Variants in SAP130 observed in about 807,000 individuals in gnomAD.
SAP130 encodes the protein histone deacetylase complex subunit SAP130.
In SAP130, 16 loss-of-function variants were observed where a neutral mutation model predicts 103.2. The observed-to-expected ratio is 0.16, with a 90% confidence interval of 0.10 to 0.24. The LOEUF (loss-of-function observed/expected upper bound fraction) is 0.24, where lower values mean the gene tolerates loss of function less well. SAP130 is among the 10% of genes least tolerant of loss of function. SAP130 has a pLI of 1.00. For missense variants in SAP130, 990 were observed against 1,359.7 expected, an observed-to-expected ratio of 0.73 and a Z score of 4.28; for synonymous variants, 477 against 497.0, an observed-to-expected ratio of 0.96 and a Z score of 0.53.
chr2:127,999,788 G>A lies in SAP130; in HGVS notation c.1166C>T (p.Ser389Phe). The part of the protein sequence containing the change: ...TSTIVTMTVP[S>F]HSSHATAVTT... ...CACAGCAGTAGCATGGGAGGAATGG[G>A]AGGGTACTGTCATGGTAACAATGGT... Residue 389 changes from serine (S) to phenylalanine (F), a missense_variant, in exon 10 of 21, where the codon TCC becomes TTC. Physicochemically the swap from Ser to Phe is radical, Grantham distance 155. Coordinates refer to ENST00000643581, the MANE Select transcript of SAP130 (RefSeq NM_001330301.2). The A allele has an allele frequency of 6.5e-7, 1 of 1,535,004 alleles. No individual in the cohort carries two copies. Among genetic ancestry groups the A allele is most frequent in the Non-Finnish European group, 8.7e-7 (1 of 1,144,378 alleles).
Position 127,970,176 on chromosome 2 carries a change from C to T in SAP130, c.2063+7809G>A, listed in dbSNP as rs142161837. ...CTGGGAGGCAGAGGTTGCAGTAAGC[C>T]GAGATTACCTCACTGCACTCCAGCC... On this transcript the variant is annotated intron_variant, in intron 15 of 20. Coordinates refer to ENST00000643581, the MANE Select transcript of SAP130 (RefSeq NM_001330301.2). 4.6e-3 allele frequency among the ~76,000 whole-genome samples: 675 copies of T among 145,402 alleles called. 5 individuals carry two copies. Among genetic ancestry groups the T allele is most frequent in the African/African-American group, 0.017 (647 of 38,926 alleles).
chr2:128,006,512 C>T (rs779597596), intron 7 of SAP130, among the ~76,000 whole-genome samples: 1 of 152,170 alleles, frequency 6.6e-6, no homozygotes. Context: ...TGGTGGCTCA[C>T]AATTGTAATC....
chr2:128,020,071 C>T (rs1387953057), intron 2 of SAP130, among the ~76,000 whole-genome samples: 1 of 151,966 alleles, frequency 6.6e-6, no homozygotes, highest in African/African-American at 2.4e-5. Context: ...AATGTTGCCC[C>T]CAAACTTACC....
At position 127,941,895 on chromosome 2, in the gene SAP130, A is replaced by C; in HGVS notation, c.*111T>G. 1 of 975,796 alleles carries C rather than the reference A, an allele frequency of 1.0e-6. No individual in the cohort carries two copies. The highest frequency in any genetic ancestry group is 1.6e-6 in the Non-Finnish European group (1 of 640,546). 60.4% of individuals were successfully genotyped at this position (975,796 alleles called of 1,614,324 possible). On this transcript the variant is annotated 3_prime_UTR_variant, in exon 21 of 21. Coordinates refer to ENST00000643581, the MANE Select transcript of SAP130 (RefSeq NM_001330301.2). ...TTCCTCTGCTTTCACACGGGAACTA[A>C]GGAACACTTCCTTTATTTCAATGTT... is the stretch of plus-strand genomic sequence containing the variant.
At chr2:128,000,550 G>A (rs1332983528) in intron 7 of SAP130, 96 bp from the exon 8 acceptor site, 1 of 1,390,250 alleles carries the variant, frequency 7.2e-7, no homozygotes, top group African/African-American at 1.4e-5. Context: ...ATAGGTCTAT[G>A]AAGTTCGGAG....
chr2:127,949,812 T>C, intron 18 of SAP130, 57 bp downstream of exon 18: 1 of 1,555,444 alleles, frequency 6.4e-7, no homozygotes, highest in African/African-American at 1.4e-5. Flanking sequence ...TCTTCTATTT[T>C]AATTAAGTTT....
chr2:127,987,079 A>G (rs1682456108), intron 13 of SAP130, 117 bp from the exon 14 acceptor site: 2 of 869,492 alleles, frequency 2.3e-6, no homozygotes, highest in East Asian at 5.1e-5. Flanking sequence ...TAACTGTCCA[A>G]TTTCAAACTG....
intron 2 of SAP130, among the ~76,000 whole-genome samples, chr2:128,018,322 A>C (rs981195306): frequency 6.7e-6 from 1 of 149,718 alleles, no homozygotes; most frequent in Non-Finnish European, 1.5e-5. Context: ...ACAAAAAAAA[A>C]AAAAAAAAAC....
At position 127,941,720 on chromosome 2, in the gene SAP130, T is replaced by A. The variant is rs1012852573; in HGVS notation, c.*286A>T. ...AAGGCTGAAAAACACCAGCCAGCCA[T>A]CCTTGTCATTGCTTCCAACTGGTGG... is the stretch of plus-strand genomic sequence containing the variant. On this transcript the variant is annotated 3_prime_UTR_variant, in exon 21 of 21. Transcript: ENST00000643581. 4.9e-6 allele frequency: 2 copies of A among 410,036 alleles called. No individual in the cohort carries two copies. The highest frequency in any genetic ancestry group is 8.6e-6 in the Non-Finnish European group (2 of 232,250). The allele number at this position is 410,036 out of a possible 1,614,324, so 25.4% of individuals were successfully genotyped here.
In SAP130 at chr2:127,970,695, C is replaced by CAAACA. The variant is rs1243932894; in HGVS notation, c.2063+7285_2063+7289dup. Among the ~76,000 whole-genome samples the CAAACA allele has an allele frequency of 1.8e-4, 28 of 151,752 alleles. No homozygotes were observed. The South Asian group carries it at 2.3e-3, about 12-fold the overall frequency. On this transcript the variant is annotated intron_variant, in intron 15 of 20. Transcript: ENST00000643581. Reference sequence around the variant, plus strand: ...GGGTAACAGAGCAAGACACTGTCTCCAAACAAAACAAAACAAAACAAAAAA... The same window carrying CAAACA: ...GGGTAACAGAGCAAGACACTGTCTCCAAACAAAACAAAACAAAACAAAACAAAAAA...
At chr2:127,977,476 G>A (rs2104918604) in intron 15 of SAP130, among the ~76,000 whole-genome samples, 1 of 152,178 alleles carries the variant, frequency 6.6e-6, no homozygotes, top group East Asian at 1.9e-4. Flanking sequence ...CTCCAGCCTG[G>A]GCAACAGAGC....
chr2:127,991,444 ATCC>A (rs997451229), intron 12 of SAP130, among the ~76,000 whole-genome samples: 6 of 152,008 alleles, frequency 3.9e-5, no homozygotes, highest in Non-Finnish European at 8.8e-5. Context: ...GGGCCAAGCA[ATCC>A]TCCTGCCTCA....
chr2:127,983,821 TTG>T (rs1269413752), intron 14 of SAP130, among the ~76,000 whole-genome samples: 232 of 119,046 alleles, frequency 1.9e-3, no homozygotes, highest in East Asian at 4.2e-3. Context: ...TATTACTTTG[TTG>T]TTTTTTTTTT....
intron 7 of SAP130, among the ~76,000 whole-genome samples, chr2:128,005,973 T>C (rs1001252932): frequency 2.0e-5 from 3 of 152,070 alleles, no homozygotes; most frequent in African/African-American, 7.2e-5. Context: ...ACACCATGTT[T>C]AGAACAAAAC....
At chr2:127,983,824 T>TG (rs1491225282) in intron 14 of SAP130, among the ~76,000 whole-genome samples, 1 of 63,514 alleles carries the variant, frequency 1.6e-5, no homozygotes, top group South Asian at 6.2e-4. Flanking sequence ...TACTTTGTTG[T>TG]TTTTTTTTTT....
chr2:128,019,651 C>CG (rs1685018698), intron 2 of SAP130, among the ~76,000 whole-genome samples: 1 of 152,080 alleles, frequency 6.6e-6, no homozygotes, highest in Non-Finnish European at 1.5e-5. Flanking sequence ...TTTGGGAGGC[C>CG]AAGGTGGGGA....
intron 6 of SAP130, among the ~76,000 whole-genome samples, chr2:128,012,289 G>C (rs1316798141): frequency 6.6e-6 from 1 of 152,150 alleles, no homozygotes; most frequent in Non-Finnish European, 1.5e-5. Flanking sequence ...GGCCAACAGG[G>C]TGAAATCCTG....
rs113445838 is a variant in SAP130, at chr2:128,022,996, AT to A, written c.112+3184del. ...AGGCATGAGCCATCACACCTGGCTA[AT>A]TTTTTTTTTTTTTTGAGACGGAATC... On this transcript the variant is annotated intron_variant, in intron 2 of 20. Coordinates refer to ENST00000643581, the MANE Select transcript of SAP130 (RefSeq NM_001330301.2). Among the ~76,000 whole-genome samples, 707 of 141,532 alleles carry A rather than the reference AT, an allele frequency of 5.0e-3. 10 individuals carry two copies. In the East Asian group the frequency reaches 0.052, roughly 11 times the overall value. 92.9% of individuals were successfully genotyped at this position (141,532 alleles called of 152,430 possible). A position where few individuals can be genotyped will look rare whatever the true frequency, so the allele number is the denominator to read the frequency against.
At chr2:128,025,949 G>A (rs1685470915) in intron 2 of SAP130, among the ~76,000 whole-genome samples, 1 of 152,118 alleles carries the variant, frequency 6.6e-6, no homozygotes, top group East Asian at 1.9e-4. Flanking sequence ...TTCAAAAACA[G>A]TTCTTACAGG....
Sources: allele counts gnomAD v4.1 joint callset (sites outside exome capture counted in the v4.1 genomes callset), GRCh38; gene constraint gnomAD v4.1.1; transcripts MANE v1.5; gene names NCBI Gene and HGNC (gene_info 2026-07-23, HGNC 2026-07-21).